The following DPP10 variants were observed in gnomAD, a reference collection of about 807,000 sequenced individuals.
DPP10 encodes the protein dipeptidyl peptidase like 10, also known as inactive dipeptidyl peptidase 10.
A neutral mutation model predicts 120.9 loss-of-function variants in DPP10; 33 were observed. That is an observed-to-expected ratio of 0.27 (90% CI 0.21 to 0.37). DPP10 has a LOEUF of 0.37. Among genes scored for constraint, DPP10 ranks in the 10% least tolerant of loss-of-function variants. The probability of loss-of-function intolerance (pLI) is 1.00; values close to 1 mark genes in which losing one functional copy is unlikely to be tolerated. For synonymous variants in DPP10, 337 were observed against 326.1 expected, an observed-to-expected ratio of 1.03 and a Z score of -0.36; for missense variants, 816 against 942.8, an observed-to-expected ratio of 0.87 and a Z score of 1.76.
intron 11 of DPP10, among the ~76,000 whole-genome samples, chr2:115,760,479 T>C (rs1249737458): frequency 1.3e-5 from 2 of 152,214 alleles, no homozygotes; most frequent in African/African-American, 4.8e-5. Flanking sequence ...TATAACTTGA[T>C]GGGATAAACT....
chr2:114,967,896 G>A (rs1234956805), intron 1 of DPP10, among the ~76,000 whole-genome samples: 3 of 152,006 alleles, frequency 2.0e-5, no homozygotes, highest in African/African-American at 7.3e-5. Context: ...TCACTTGGGG[G>A]CTTATTAGAA....
chr2:115,610,292 A>G (rs1365016836), intron 5 of DPP10, among the ~76,000 whole-genome samples: 1 of 152,122 alleles, frequency 6.6e-6, no homozygotes, highest in African/African-American at 2.4e-5. Context: ...AGAGTAAATG[A>G]TTCAAGAAAG....
At chr2:115,305,513 G>T (rs1227372258) in intron 1 of DPP10, among the ~76,000 whole-genome samples, 2 of 152,008 alleles carry the variant, frequency 1.3e-5, no homozygotes, top group Non-Finnish European at 2.9e-5. Flanking sequence ...CAGGAGGATT[G>T]CTTGAGGCCA....
intron 1 of DPP10, among the ~76,000 whole-genome samples, chr2:115,299,754 A>G (rs1158284772): frequency 6.6e-6 from 1 of 152,072 alleles, no homozygotes; most frequent in Non-Finnish European, 1.5e-5. Flanking sequence ...ACAGATTTAT[A>G]TTCCATTTTG....
intron 1 of DPP10, among the ~76,000 whole-genome samples, chr2:115,203,237 G>A (rs960376554): frequency 3.3e-5 from 5 of 152,174 alleles, no homozygotes; most frequent in Non-Finnish European, 7.3e-5. Context: ...GTACAAGGAA[G>A]AGTGTTGGCT....
intron 1 of DPP10, among the ~76,000 whole-genome samples, chr2:115,076,662 T>G (rs998254381): frequency 6.6e-6 from 1 of 152,194 alleles, no homozygotes; most frequent in African/African-American, 2.4e-5. Context: ...GTTTTCTCTA[T>G]GTTGGTAAAG....
At chr2:114,813,319 G>A (rs1403194184) in intron 1 of DPP10, among the ~76,000 whole-genome samples, 2 of 152,082 alleles carry the variant, frequency 1.3e-5, no homozygotes, top group African/African-American at 4.8e-5. Flanking sequence ...ATCCTAAGAG[G>A]ACCACAAATT....
intron 7 of DPP10, among the ~76,000 whole-genome samples, chr2:115,709,276 G>A (rs1352959491): frequency 2.0e-5 from 3 of 152,180 alleles, no homozygotes; most frequent in African/African-American, 7.2e-5. Flanking sequence ...AAGAGCCCTT[G>A]AGTAGCTGTA....
intron 1 of DPP10, among the ~76,000 whole-genome samples, chr2:115,106,793 G>C (rs903224380): frequency 6.6e-6 from 1 of 151,958 alleles, no homozygotes; most frequent in Admixed American, 6.6e-5. Flanking sequence ...TTCTTAAACC[G>C]GGCCGGGCGC....
intron 4 of DPP10, among the ~76,000 whole-genome samples, chr2:115,517,298 T>C (rs2077556342): frequency 6.6e-6 from 1 of 152,200 alleles, no homozygotes; most frequent in Non-Finnish European, 1.5e-5. Context: ...AGTGCAAGTT[T>C]AGTAAATGAA....
At chr2:115,274,295 G>T (rs1370357715) in intron 1 of DPP10, among the ~76,000 whole-genome samples, 1 of 152,072 alleles carries the variant, frequency 6.6e-6, no homozygotes, top group Non-Finnish European at 1.5e-5. Flanking sequence ...TATGAACCCT[G>T]TCGTTTCCTA....
intron 1 of DPP10, among the ~76,000 whole-genome samples, chr2:114,591,554 AT>A (rs70937292): frequency 0.12 from 14,911 of 124,450 alleles, 859 homozygotes; most frequent in Admixed American, 0.14. Context: ...ACCTCTTCCT[AT>A]TTTTTTTTTT....
chr2:115,324,428 T>A (rs1458799630), intron 2 of DPP10, among the ~76,000 whole-genome samples: 1 of 152,192 alleles, frequency 6.6e-6, no homozygotes, highest in African/African-American at 2.4e-5. Flanking sequence ...CACTTGCTGC[T>A]TCACCTTGCA....
In DPP10 at chr2:115,418,846, A is replaced by G. The variant is rs1405897019; in HGVS notation, c.271+74934A>G. Among the ~76,000 whole-genome samples the G allele has an allele frequency of 3.3e-5, 5 of 152,296 alleles. No individual in the cohort carries two copies. In the East Asian group the frequency reaches 9.6e-4, roughly 29 times the overall value. On this transcript the variant is annotated intron_variant, in intron 3 of 25. Transcript: ENST00000410059. ...CATAAACAATTAAAAAATAAAGAAT[A>G]AAATAAAATTTACAAAGCAGGCCAA... is the stretch of plus-strand genomic sequence containing the variant.
intron 3 of DPP10, among the ~76,000 whole-genome samples, chr2:115,495,882 G>A (rs1165642312): frequency 1.3e-5 from 2 of 152,098 alleles, no homozygotes; most frequent in Non-Finnish European, 2.9e-5. Flanking sequence ...TTTAATCAAA[G>A]TACCTTGTAG....
chr2:115,476,564 A>G (rs1446072571), intron 3 of DPP10, among the ~76,000 whole-genome samples: 1 of 152,196 alleles, frequency 6.6e-6, no homozygotes, highest in East Asian at 1.9e-4. Context: ...GATGCCACAC[A>G]TATTTAAATA....
intron 1 of DPP10, among the ~76,000 whole-genome samples, chr2:114,647,339 C>T (rs552042567): frequency 1.1e-4 from 17 of 152,216 alleles, no homozygotes; most frequent in African/African-American, 3.4e-4. Context: ...TCAGATTCCA[C>T]GACTTGTAAT....
At chr2:114,689,747 G>GT (rs1216439035) in intron 1 of DPP10, among the ~76,000 whole-genome samples, 1 of 151,664 alleles carries the variant, frequency 6.6e-6, no homozygotes, top group African/African-American at 2.4e-5. Flanking sequence ...AGCATTTGTT[G>GT]TTTTTTTGGC....
At chr2:114,818,055 C>A (rs1477870661) in intron 1 of DPP10, among the ~76,000 whole-genome samples, 1 of 151,904 alleles carries the variant, frequency 6.6e-6, no homozygotes. Context: ...TAATCTTTTG[C>A]CTGGGAAGAA....
Sources: gnomAD v4.1 joint callset for allele counts (sites outside exome capture counted in the v4.1 genomes callset) on GRCh38, gnomAD v4.1.1 for gene constraint, MANE v1.5 for transcripts, NCBI Gene and HGNC (gene_info 2026-07-23, HGNC 2026-07-21) for gene names.